ZNF566: variants seen among roughly 807,000 people sequenced by gnomAD.
The protein encoded by ZNF566 is zinc finger protein 566.
A neutral mutation model predicts 32.8 loss-of-function variants in ZNF566; 27 were observed. That is an observed-to-expected ratio of 0.82 (90% confidence interval 0.61 to 1.14). The LOEUF (loss-of-function observed/expected upper bound fraction) is 1.14, where lower values mean the gene tolerates loss of function less well. ZNF566 is among the 50% of genes most tolerant of loss of function. ZNF566 has a pLI of 0.00. For synonymous variants in ZNF566, 154 were observed against 159.5 expected (o/e 0.97, Z 0.26); for missense variants, 402 against 490.4 (o/e 0.82, Z 1.70).
Position 36,472,932 on chromosome 19 carries a change from G to C in ZNF566, c.211C>G (p.Leu71Val). The C allele has an allele frequency of 6.2e-7, 1 of 1,613,986 alleles. No individual in the cohort carries two copies. Reference sequence around the variant, plus strand: ...TTACCTGGCCACTGGCCTCTTGTTAGCTCTCTGTCAGCCAACCAGGGCTCC... The same window carrying C: ...TTACCTGGCCACTGGCCTCTTGTTACCTCTCTGTCAGCCAACCAGGGCTCC... The part of the protein sequence containing the change: ...GKEPWLADRE[L>V]TRGQWPVLES... Residue 71 changes from leucine to valine, a missense_variant, in exon 4 of 5, where the codon CTA (leucine) becomes GTA (valine). Transcript: ENST00000452939.
chr19:36,460,052 C>T (rs554317672), intron 4 of ZNF566, among the ~76,000 whole-genome samples: 2 of 151,996 alleles, frequency 1.3e-5, no homozygotes, highest in South Asian at 4.2e-4. Context: ...AGTGATCTGC[C>T]CACCTTGACC....
rs2033054292 is a variant in ZNF566, at chr19:36,448,634, A to G, written c.*343T>C. On this transcript the variant is annotated 3_prime_UTR_variant, in exon 5 of 5. Transcript: ENST00000452939. ...ACAATTAGAGAAATTAGGGGAAAAA[A>G]TGACAATCACAGGACTACATTTCTA... is the stretch of plus-strand genomic sequence containing the variant. The G allele has an allele frequency of 5.8e-6, 1 of 173,744 alleles. No individual in the cohort carries two copies. Among genetic ancestry groups the G allele is most frequent in the Non-Finnish European group, 1.2e-5 (1 of 83,092 alleles). The allele number at this position is 173,744 out of a possible 1,614,324, so 10.8% of individuals were successfully genotyped here.
At chr19:36,477,600 G>A (rs1300998118) in intron 1 of ZNF566, among the ~76,000 whole-genome samples, 1 of 143,902 alleles carries the variant, frequency 6.9e-6, no homozygotes, top group Non-Finnish European at 1.5e-5. Context: ...GTGCAATGGC[G>A]CGATCTTGGC....
At chr19:36,483,244 G>A (rs888076045) in intron 1 of ZNF566, among the ~76,000 whole-genome samples, 3 of 152,184 alleles carry the variant, frequency 2.0e-5, no homozygotes, top group African/African-American at 7.2e-5. Flanking sequence ...GTGTAAACTG[G>A]TGTGTTTTTA....
At chr19:36,486,342 A>G (rs536549151) in intron 1 of ZNF566, among the ~76,000 whole-genome samples, 127 of 152,314 alleles carry the variant, frequency 8.3e-4, no homozygotes, top group Non-Finnish European at 1.4e-3. Context: ...CCTGCAGAGT[A>G]TCTGCAAATT....
intron 4 of ZNF566, among the ~76,000 whole-genome samples, chr19:36,465,745 T>A (rs940833035): frequency 3.3e-5 from 5 of 151,998 alleles, no homozygotes; most frequent in Admixed American, 2.6e-4. Context: ...AGTGCTGGGA[T>A]TACAGGTGTT....
intron 4 of ZNF566, chr19:36,456,380 C>CAAAAAAAAAA (rs59964294): frequency 3.7e-4 from 36 of 96,416 alleles, no homozygotes; most frequent in Non-Finnish European, 5.3e-4. Context: ...TACTAAAATA[C>CAAAAAAAAAA]AAAAAAAAAA....
At chr19:36,458,526 G>C (rs184411818) in intron 4 of ZNF566, among the ~76,000 whole-genome samples, 18 of 152,212 alleles carry the variant, frequency 1.2e-4, no homozygotes, top group African/African-American at 4.1e-4. Context: ...ATTGGTCAAA[G>C]GGTACAAAGT....
At chr19:36,462,272 G>A (rs1303026959) in intron 4 of ZNF566, among the ~76,000 whole-genome samples, 1 of 152,136 alleles carries the variant, frequency 6.6e-6, no homozygotes, top group Non-Finnish European at 1.5e-5. Context: ...ACAGACATGA[G>A]CCACCATGCC....
intron 1 of ZNF566, among the ~76,000 whole-genome samples, chr19:36,478,933 T>C (rs900034194): frequency 2.0e-5 from 3 of 152,226 alleles, no homozygotes; most frequent in African/African-American, 4.8e-5. Flanking sequence ...ATAGCATCCA[T>C]GTAGACCCAC....
chr19:36,473,356 T>C lies in ZNF566; in HGVS notation c.112A>G (p.Asn38Asp). Residue 38 changes from asparagine (N) to aspartate (D), a missense_variant, in exon 3 of 5, where the codon AAT becomes GAT. Asn to Asp is a conservative substitution (Grantham distance 23, BLOSUM62 1). Coordinates refer to ENST00000452939, the MANE Select transcript of ZNF566 (RefSeq NM_001145344.1). The part of the protein sequence containing the change: ...RDLYRDVMLE[N>D]YSNLVSMGHS... ...CCCATTGAAACCAGGTTGCTGTAAT[T>C]CTCCAACATCACATCTCTGTATAAA... 6.2e-7 allele frequency: 1 copy of C among 1,614,082 alleles called. No homozygotes were observed. The highest frequency in any genetic ancestry group is 8.5e-7 in the Non-Finnish European group (1 of 1,179,976).
At chr19:36,477,556 T>TTTTTTTG (rs2033926042) in intron 1 of ZNF566, among the ~76,000 whole-genome samples, 1 of 137,472 alleles carries the variant, frequency 7.3e-6, no homozygotes, top group African/African-American at 2.7e-5. Context: ...TTTGTTTTTT[T>TTTTTTTG]GAGACGGAGT....
At chr19:36,468,813 C>T (rs1343443459) in intron 4 of ZNF566, among the ~76,000 whole-genome samples, 1 of 151,096 alleles carries the variant, frequency 6.6e-6, no homozygotes, top group Non-Finnish European at 1.5e-5. Context: ...ACTCAGGAGG[C>T]TGAGGTGGGG....
chr19:36,461,575 G>T (rs2033463617), intron 4 of ZNF566, among the ~76,000 whole-genome samples: 2 of 152,094 alleles, frequency 1.3e-5, no homozygotes, highest in Non-Finnish European at 2.9e-5. Context: ...GGAGGCTGAG[G>T]CAGGAGAATC....
chr19:36,448,843 C>T lies in ZNF566; in HGVS notation c.*134G>A. On this transcript the variant is annotated 3_prime_UTR_variant, in exon 5 of 5. Coordinates refer to ENST00000452939, the MANE Select transcript of ZNF566 (RefSeq NM_001145344.1). ...AGAGTATTTCTCCAACATTATTTTT[C>T]CCAGGCTGAATAAGCTGTAGTCCAC... 1 of 759,160 alleles carries T rather than the reference C, an allele frequency of 1.3e-6. No individual in the cohort carries two copies. Among genetic ancestry groups the T allele is most frequent in the Non-Finnish European group, 2.0e-6 (1 of 502,214 alleles). 47.0% of individuals were successfully genotyped at this position (759,160 alleles called of 1,614,324 possible).
Position 36,476,581 on chromosome 19 carries a change from A to G in ZNF566, c.-24T>C. On this transcript the variant is annotated 5_prime_UTR_variant, in exon 2 of 5. Coordinates refer to ENST00000452939, the MANE Select transcript of ZNF566 (RefSeq NM_001145344.1). Reference sequence around the variant, plus strand: ...ATGGCTCTGATATTTGTAGAAAAGGACCTTCTCTTGGCTCTTCTTTTGGAG... The same window carrying G: ...ATGGCTCTGATATTTGTAGAAAAGGGCCTTCTCTTGGCTCTTCTTTTGGAG... 6.2e-7 allele frequency: 1 copy of G among 1,613,590 alleles called. No individual in the cohort carries two copies. Among genetic ancestry groups the G allele is most frequent in the Non-Finnish European group, 8.5e-7 (1 of 1,179,760 alleles).
At chr19:36,462,220 T>C (rs2033484739) in intron 4 of ZNF566, among the ~76,000 whole-genome samples, 1 of 152,054 alleles carries the variant, frequency 6.6e-6, no homozygotes, top group Admixed American at 6.6e-5. Flanking sequence ...ACTCCCGACT[T>C]CAGGTGATCC....
At chr19:36,461,215 C>G (rs2033453169) in intron 4 of ZNF566, among the ~76,000 whole-genome samples, 1 of 152,148 alleles carries the variant, frequency 6.6e-6, no homozygotes, top group Non-Finnish European at 1.5e-5. Context: ...TATATTAAAT[C>G]CCCTGATAGC....
At chr19:36,453,143 AC>A (rs112727931) in intron 4 of ZNF566, among the ~76,000 whole-genome samples, 11 of 151,352 alleles carry the variant, frequency 7.3e-5, no homozygotes, top group African/African-American at 2.7e-4. Context: ...AAACAAAAAA[AC>A]AAACAAAAAA....
Sources: gnomAD v4.1 joint callset for allele counts (sites outside exome capture counted in the v4.1 genomes callset) on GRCh38, gnomAD v4.1.1 for gene constraint, MANE v1.5 for transcripts, NCBI Gene and HGNC (gene_info 2026-07-23, HGNC 2026-07-21) for gene names.